The following MCC variants were observed in gnomAD, a reference collection of about 807,000 sequenced individuals.
MCC encodes the protein colorectal mutant cancer protein.
A neutral mutation model predicts 116.2 loss-of-function variants in MCC; 90 were observed. The observed-to-expected ratio is 0.77, with a 90% CI of 0.65 to 0.92. MCC has a LOEUF of 0.92. Ranked by LOEUF, MCC falls within the 40% of genes least tolerant of loss-of-function variation. The pLI is 0.00. For missense variants in MCC, 1,516 were observed against 1,312.2 expected (o/e 1.16, Z -2.40); for synonymous variants, 578 against 510.5 (o/e 1.13, Z -1.78).
At position 113,029,082 on chromosome 5, in the gene MCC, CAGG is replaced by C. The variant is rs770323165; in HGVS notation, c.2757-29_2757-27del. 37 of 1,595,822 alleles carry C rather than the reference CAGG, an allele frequency of 2.3e-5. No homozygotes were observed. In the South Asian group the frequency reaches 3.5e-4, roughly 15 times the overall value. On this transcript the variant is annotated intron_variant, in intron 17 of 18. Coordinates refer to ENST00000408903, the MANE Select transcript of MCC (RefSeq NM_001085377.2). ...CTATATTAAAGGAGACAAAATATGC[CAGG>C]AGTAGTTTGAGATGATGCTGGAGGT...
intron 12 of MCC, among the ~76,000 whole-genome samples, chr5:113,069,320 C>G: frequency 6.6e-6 from 1 of 152,248 alleles, no homozygotes; most frequent in Non-Finnish European, 1.5e-5. Flanking sequence ...AGTCACTCTT[C>G]TTTGTGCCCA....
rs775942724 is a variant in MCC, at chr5:113,101,834, G to A, written c.1303C>T (p.Leu435=). 1.2e-6 allele frequency: 2 copies of A among 1,613,582 alleles called. No homozygotes were observed. Among genetic ancestry groups the A allele is most frequent in the East Asian group, 4.5e-5 (2 of 44,870 alleles). Residue 435 remains leucine (L), a synonymous_variant, in exon 8 of 19, where the codon CTG becomes TTG. Coordinates refer to ENST00000408903, the MANE Select transcript of MCC (RefSeq NM_001085377.2). ...LAGLREENES[L]TAMLCSKEEE... ...TCTTTGCTGCACAGCATGGCAGTCAGGCTCTCATTCTCTTCCCTCAGCCCA... is the reference window on the plus strand; with the variant it reads ...TCTTTGCTGCACAGCATGGCAGTCAAGCTCTCATTCTCTTCCCTCAGCCCA...
At position 113,346,943 on chromosome 5, in the gene MCC, A is replaced by AC. The variant is rs553108111; in HGVS notation, c.416-6214_416-6213insG. Among the ~76,000 whole-genome samples the AC allele has an allele frequency of 4.9e-3, 700 of 143,998 alleles. 3 individuals are homozygous for AC. The highest frequency in any genetic ancestry group is 0.018 in the African/African-American group (674 of 37,114). The allele number at this position is 143,998 out of a possible 152,430, so 94.5% of individuals were successfully genotyped here. A position where few individuals can be genotyped will look rare whatever the true frequency, so the allele number is the denominator to read the frequency against. ...ATGACATATTTAAAGTGCTGAAGGA[A>AC]AAAAAAAAAAAACCCTTTTACACTA... On this transcript the variant is annotated intron_variant, in intron 2 of 18. Transcript: ENST00000408903.
At chr5:113,360,907 A>C (rs1768529075) in intron 2 of MCC, among the ~76,000 whole-genome samples, 2 of 151,932 alleles carry the variant, frequency 1.3e-5, no homozygotes, top group African/African-American at 4.8e-5. Context: ...TGGATGTCCT[A>C]CTCCTGCTAT....
intron 1 of MCC, among the ~76,000 whole-genome samples, chr5:113,414,377 C>T (rs943771495): frequency 2.6e-5 from 4 of 152,162 alleles, no homozygotes; most frequent in Non-Finnish European, 4.4e-5. Flanking sequence ...GTGTCAAAGT[C>T]TCCCATTATT....
At chr5:113,364,503 A>G (rs1038653039) in intron 2 of MCC, among the ~76,000 whole-genome samples, 4 of 152,188 alleles carry the variant, frequency 2.6e-5, no homozygotes, top group African/African-American at 9.6e-5. Flanking sequence ...TTCCAACTAC[A>G]GGGTGCAAAC....
chr5:113,097,923 C>T (rs1003880811), intron 8 of MCC, among the ~76,000 whole-genome samples: 1 of 152,172 alleles, frequency 6.6e-6, no homozygotes, highest in Admixed American at 6.5e-5. Flanking sequence ...GAGAGAGGCC[C>T]AGGAGAGACA....
chr5:113,393,121 C>A (rs1181426109), intron 1 of MCC, among the ~76,000 whole-genome samples: 3 of 152,038 alleles, frequency 2.0e-5, no homozygotes, highest in Admixed American at 6.6e-5. Context: ...TAAATCTCAA[C>A]TGTAAAGAGG....
chr5:113,285,269 T>G (rs900701505), intron 3 of MCC, among the ~76,000 whole-genome samples: 1 of 152,128 alleles, frequency 6.6e-6, no homozygotes, highest in Non-Finnish European at 1.5e-5. Context: ...CTTCTTTAAC[T>G]GGCTTTCAGA....
intron 8 of MCC, among the ~76,000 whole-genome samples, chr5:113,100,234 C>T (rs1017866242): frequency 2.0e-5 from 3 of 152,162 alleles, no homozygotes; most frequent in Non-Finnish European, 4.4e-5. Context: ...ATAGTAATTT[C>T]TTCCATATTT....
intron 6 of MCC, among the ~76,000 whole-genome samples, chr5:113,113,210 T>C (rs4705778): frequency 0.43 from 64,867 of 152,094 alleles, 15,782 homozygotes; most frequent in East Asian, 0.64. Flanking sequence ...AGACTTTCTG[T>C]AAAGGCAAGA....
chr5:113,475,203 A>C (rs932213726), intron 1 of MCC, among the ~76,000 whole-genome samples: 3 of 152,234 alleles, frequency 2.0e-5, no homozygotes, highest in African/African-American at 7.2e-5. Context: ...ATTAAGTATA[A>C]ATGCTCTTTC....
chr5:113,082,807 G>A (rs1169479796), intron 11 of MCC, 53 bp downstream of exon 11: 14 of 1,592,898 alleles, frequency 8.8e-6, no homozygotes, highest in Non-Finnish European at 1.2e-5. Context: ...AGAGAAGTGA[G>A]GAGTAGCACC....
At chr5:113,209,808 C>T (rs754709939) in intron 3 of MCC, among the ~76,000 whole-genome samples, 1 of 152,018 alleles carries the variant, frequency 6.6e-6, no homozygotes, top group Non-Finnish European at 1.5e-5. Context: ...TTGCATTCAT[C>T]TTATTTACTC....
intron 3 of MCC, among the ~76,000 whole-genome samples, chr5:113,215,245 G>T (rs1763268133): frequency 6.6e-6 from 1 of 152,152 alleles, no homozygotes; most frequent in East Asian, 1.9e-4. Context: ...TGGTATAATA[G>T]CTTGTCTATT....
At chr5:113,408,403 G>A (rs1482383053) in intron 1 of MCC, among the ~76,000 whole-genome samples, 3 of 151,990 alleles carry the variant, frequency 2.0e-5, no homozygotes, top group Non-Finnish European at 2.9e-5. Flanking sequence ...TCTTTTTCTT[G>A]GAGATACAAC....
chr5:113,282,255 T>C (rs555204671), intron 3 of MCC, among the ~76,000 whole-genome samples: 9 of 152,348 alleles, frequency 5.9e-5, no homozygotes, highest in African/African-American at 1.9e-4. Flanking sequence ...CTTAGTATCC[T>C]GACCCCAATA....
intron 2 of MCC, among the ~76,000 whole-genome samples, chr5:113,360,144 C>A (rs1304378327): frequency 2.0e-5 from 3 of 151,944 alleles, no homozygotes; most frequent in African/African-American, 7.3e-5. Flanking sequence ...GGCTGAAAAT[C>A]AGCCTAATCA....
Position 113,070,864 on chromosome 5 carries a change from A to T in MCC, c.1925+230T>A, listed in dbSNP as rs115565961. ...GCCAAAAAAATCGATATTTTGAGTG[A>T]TAGTACCTAAATGAAATGATATTTA... On this transcript the variant is annotated intron_variant, in intron 12 of 18. Coordinates refer to ENST00000408903, the MANE Select transcript of MCC (RefSeq NM_001085377.2). Among the ~76,000 whole-genome samples the T allele has an allele frequency of 2.3e-3, 347 of 152,354 alleles. 2 individuals are homozygous for T. Among genetic ancestry groups the T allele is most frequent in the African/African-American group, 8.0e-3 (331 of 41,584 alleles).
Sources: allele counts gnomAD v4.1 joint callset (sites outside exome capture counted in the v4.1 genomes callset), GRCh38; gene constraint gnomAD v4.1.1; transcripts MANE v1.5; gene names NCBI Gene and HGNC (gene_info 2026-07-23, HGNC 2026-07-21).